Variants in EPHB2 observed in about 807,000 individuals in gnomAD.
The protein encoded by EPHB2 is EPH receptor B2, also known as ephrin type-B receptor 2.
In EPHB2, 18 loss-of-function variants were observed where a neutral mutation model predicts 96.4. That is an observed-to-expected ratio of 0.19 (90% CI 0.13 to 0.28). The LOEUF (loss-of-function observed/expected upper bound fraction) is 0.28. Ranked by LOEUF, EPHB2 falls within the 10% of genes least tolerant of loss-of-function variation. The pLI, the probability that EPHB2 is intolerant of heterozygous loss-of-function variation, is 1.00. For synonymous variants in EPHB2, 506 were observed against 534.1 expected, an observed-to-expected ratio of 0.95 and a Z score of 0.72; for missense variants, 989 against 1,355.4, an observed-to-expected ratio of 0.73 and a Z score of 4.25.
intron 12 of EPHB2, 92 bp from the exon 13 acceptor site, chr1:22,908,930 G>C (rs1640002110): frequency 6.4e-7 from 1 of 1,565,112 alleles, no homozygotes; most frequent in Non-Finnish European, 8.7e-7. Context: ...TCATGAGATT[G>C]GGGCATCACA....
rs552188084 is a variant in EPHB2, at chr1:22,748,183, G to A, written c.62-33238G>A. Among the ~76,000 whole-genome samples the A allele has an allele frequency of 1.1e-4, 17 of 152,286 alleles. No individual in the cohort carries two copies. In the South Asian group the frequency reaches 3.1e-3, roughly 28 times the overall value. On this transcript the variant is annotated intron_variant, in intron 1 of 15. Coordinates refer to ENST00000374630, the MANE Select transcript of EPHB2 (RefSeq NM_017449.5). ...GTGAACATTCAATGTGTTTCCACACGTGAAGCTCTTAATGCCTGCCACAGA... is the reference window on the plus strand; with the variant it reads ...GTGAACATTCAATGTGTTTCCACACATGAAGCTCTTAATGCCTGCCACAGA...
At chr1:22,865,496 C>T (rs1309879338) in intron 5 of EPHB2, among the ~76,000 whole-genome samples, 1 of 152,174 alleles carries the variant, frequency 6.6e-6, no homozygotes, top group Non-Finnish European at 1.5e-5. Context: ...GAATGTATTT[C>T]TCTCTCATGG....
intron 3 of EPHB2, among the ~76,000 whole-genome samples, chr1:22,856,015 G>A (rs904033315): frequency 6.6e-5 from 10 of 152,154 alleles, no homozygotes; most frequent in African/African-American, 2.2e-4. Context: ...CACAGACAGC[G>A]CCCTCTGGTC....
chr1:22,841,671 G>A (rs1645471155), intron 3 of EPHB2, among the ~76,000 whole-genome samples: 1 of 152,172 alleles, frequency 6.6e-6, no homozygotes, highest in South Asian at 2.1e-4. Flanking sequence ...CTGGTTTCGG[G>A]GGTGACTCAG....
intron 11 of EPHB2, among the ~76,000 whole-genome samples, chr1:22,907,625 G>A (rs541555840): frequency 6.6e-6 from 1 of 152,338 alleles, no homozygotes; most frequent in South Asian, 2.1e-4. Context: ...TAGCCCTGGG[G>A]GATGGGTGTG....
intron 1 of EPHB2, among the ~76,000 whole-genome samples, chr1:22,731,399 G>A (rs565725279): frequency 2.0e-5 from 3 of 152,270 alleles, no homozygotes; most frequent in South Asian, 2.1e-4. Context: ...ACACCAGTTG[G>A]GTTCATGTCC....
At position 22,913,201 on chromosome 1, in the gene EPHB2, A is replaced by G; in HGVS notation, c.2853-261A>G. ...GAGCGAGACTCTGTCTCGAAAAAGA[A>G]AGAAAATGTAAGCTGGCTTCCCCCT... On this transcript the variant is annotated intron_variant, in intron 15 of 15. Transcript: ENST00000374630. The surrounding 1 kb of genome is among the most constrained non-coding windows in gnomAD (Gnocchi z 4.1). 1.8e-6 allele frequency: 1 copy of G among 550,336 alleles called. No individual in the cohort carries two copies. The highest frequency in any genetic ancestry group is 2.0e-5 in the South Asian group (1 of 49,546). 34.1% of individuals were successfully genotyped at this position (550,336 alleles called of 1,614,324 possible). A position where few individuals can be genotyped will look rare whatever the true frequency, so the allele number is the denominator to read the frequency against.
At chr1:22,839,789 G>A (rs556709697) in intron 3 of EPHB2, among the ~76,000 whole-genome samples, 1 of 152,306 alleles carries the variant, frequency 6.6e-6, no homozygotes, top group South Asian at 2.1e-4. Flanking sequence ...TGGGACTTGG[G>A]AGGAGAAACT....
intron 1 of EPHB2, among the ~76,000 whole-genome samples, chr1:22,758,140 A>G (rs12409127): frequency 0.92 from 126,296 of 137,396 alleles, 58,935 homozygotes; most frequent in South Asian, 1. Flanking sequence ...GGATGGTCTC[A>G]ATCTCCTGAC....
intron 3 of EPHB2, among the ~76,000 whole-genome samples, chr1:22,825,893 G>A (rs1189056510): frequency 6.6e-6 from 1 of 152,240 alleles, no homozygotes; most frequent in Non-Finnish European, 1.5e-5. Flanking sequence ...GGGGATGCTG[G>A]CTGGTGTCTG....
intron 1 of EPHB2, among the ~76,000 whole-genome samples, chr1:22,728,525 C>T (rs1349462421): frequency 1.3e-5 from 2 of 152,212 alleles, no homozygotes; most frequent in East Asian, 1.9e-4. Flanking sequence ...CAGGTGAGTG[C>T]TTCTGGGAAC....
intron 3 of EPHB2, among the ~76,000 whole-genome samples, chr1:22,815,673 C>A (rs1290190052): frequency 6.6e-6 from 1 of 152,238 alleles, no homozygotes; most frequent in Non-Finnish European, 1.5e-5. Flanking sequence ...ATTTGTCAGT[C>A]CTGGAAGCTG....
intron 1 of EPHB2, among the ~76,000 whole-genome samples, chr1:22,749,134 C>CCT (rs1487446291): frequency 1.9e-4 from 29 of 151,792 alleles, no homozygotes; most frequent in Admixed American, 1.9e-3. Context: ...GATCCTCATG[C>CCT]CTCAGCCTCC....
Position 22,784,351 on chromosome 1 carries a change from T to C in EPHB2, c.127-41T>C, listed in dbSNP as rs751864248. 1 of 1,599,460 alleles carries C rather than the reference T, an allele frequency of 6.3e-7. No homozygotes were observed. Among genetic ancestry groups the C allele is most frequent in the African/African-American group, 1.3e-5 (1 of 74,732 alleles). Reference sequence around the variant, plus strand: ...CCTTAGACTGAGTGTGTGCTGGGGCTGAGCCCTTACCTCCCCACCTGACGA... The same window carrying C: ...CCTTAGACTGAGTGTGTGCTGGGGCCGAGCCCTTACCTCCCCACCTGACGA... On this transcript the variant is annotated intron_variant, in intron 2 of 15. Coordinates refer to ENST00000374630, the MANE Select transcript of EPHB2 (RefSeq NM_017449.5). This position sits in a 1 kb window ranked among gnomAD's most constrained non-coding sequence, Gnocchi z 5.1.
intron 3 of EPHB2, among the ~76,000 whole-genome samples, chr1:22,861,526 C>T (rs1293874026): frequency 6.6e-6 from 1 of 152,154 alleles, no homozygotes; most frequent in Non-Finnish European, 1.5e-5. Context: ...ATTTACAGAG[C>T]ACTTGCTGGG....
rs1638814061 is a variant in EPHB2 at position 22,875,607 on chromosome 1, CCCTTCCTTCCT to C, written c.1304-6739_1304-6729del. Among the ~76,000 whole-genome samples the C allele has an allele frequency of 1.3e-5, 2 of 152,140 alleles. No individual in the cohort carries two copies. The highest frequency in any genetic ancestry group is 4.1e-4 in the South Asian group (2 of 4,828). On this transcript the variant is annotated intron_variant, in intron 5 of 15. Coordinates refer to ENST00000374630, the MANE Select transcript of EPHB2 (RefSeq NM_017449.5). This position sits in a 1 kb window ranked among gnomAD's most constrained non-coding sequence, Gnocchi z 4.2. ...GTCTGGTCCCCGCTTTTCCCTTTCT[CCCTTCCTTCCT>C]CCTTCCTTCCTCACTTTCTCCCTTC...
At chr1:22,785,585 G>A (rs2148426458) in intron 3 of EPHB2, among the ~76,000 whole-genome samples, 1 of 152,336 alleles carries the variant, frequency 6.6e-6, no homozygotes, top group South Asian at 2.1e-4. Context: ...CTCCCTCTGA[G>A]AGCCAAATGG....
In EPHB2 at chr1:22,784,314, CTG is replaced by C. The variant is rs1644576166; in HGVS notation, c.127-74_127-73del. ...ACTGGAGGGTTCCCTAAGGCAGAGT[CTG>C]TGTCTTCCACCTTAGACTGAGTGTG... On this transcript the variant is annotated intron_variant, in intron 2 of 15. Transcript: ENST00000374630. The surrounding 1 kb of genome is among the most constrained non-coding windows in gnomAD (Gnocchi z 5.1). 3 of 1,415,848 alleles carry C rather than the reference CTG, an allele frequency of 2.1e-6. No individual in the cohort carries two copies. The highest frequency in any genetic ancestry group is 2.8e-5 in the African/African-American group (2 of 71,046). The allele number at this position is 1,415,848 out of a possible 1,614,324, so 87.7% of individuals were successfully genotyped here. A position where few individuals can be genotyped will look rare whatever the true frequency, so the allele number is the denominator to read the frequency against.
rs200904787 is a variant in EPHB2 at position 22,784,618 on chromosome 1, C to A, written c.353C>A (p.Ala118Asp). 6.2e-6 allele frequency: 10 copies of A among 1,614,118 alleles called. No individual in the cohort carries two copies. The highest frequency in any genetic ancestry group is 7.6e-6 in the Non-Finnish European group (9 of 1,180,026). The change falls in exon 3 of 16, where the codon GCT (alanine) becomes GAT (aspartate). Residue 118 changes from alanine to aspartate, a missense_variant. By Grantham distance (126) the Ala-to-Asp change is moderately radical (BLOSUM62 -2). Transcript: ENST00000374630. This position sits in a 1 kb window ranked among gnomAD's most constrained non-coding sequence, Gnocchi z 5.1. ...KETFNLYYYEADFDSATKTFP... is the reference protein window; with the variant it reads ...KETFNLYYYEDDFDSATKTFP... The stretch of plus-strand genomic sequence containing the variant: ...ACCTTCAACCTCTATTACTATGAGG[C>A]TGACTTTGACTCGGCCACCAAGACC...
Sources: gnomAD v4.1 joint callset for allele counts (sites outside exome capture counted in the v4.1 genomes callset) on GRCh38, gnomAD v4.1.1 for gene constraint, Gnocchi (gnomAD v3.1) non-coding constraint, MANE v1.5 for transcripts, NCBI Gene and HGNC (gene_info 2026-07-23, HGNC 2026-07-21) for gene names.